CDA: variants seen among roughly 807,000 people sequenced by gnomAD.
CDA encodes cytidine aminohydrolase.
Under a neutral mutation model 15.0 loss-of-function variants are expected in CDA, and 7 were observed. The ratio of observed to expected loss-of-function variants is 0.47; its 90% CI spans 0.26 to 0.87. The LOEUF (loss-of-function observed/expected upper bound fraction) is 0.87, where lower values mean the gene tolerates loss of function less well. Among genes scored for constraint, CDA ranks in the 40% least tolerant of loss-of-function variants. The pLI is 0.15. For missense variants in CDA, 159 were observed against 182.7 expected (o/e 0.87, Z 0.75); for synonymous variants, 58 against 73.0 (o/e 0.79, Z 1.05).
chr1:20,609,884 T>TG (rs1309099965), intron 2 of CDA, among the ~76,000 whole-genome samples: 1 of 152,170 alleles, frequency 6.6e-6, no homozygotes, highest in Non-Finnish European at 1.5e-5. Flanking sequence ...CTTCTGAAGC[T>TG]GGAAGCGTCC....
intron 1 of CDA, among the ~76,000 whole-genome samples, chr1:20,596,379 A>C (rs529952630): frequency 6.6e-6 from 1 of 152,082 alleles, no homozygotes; most frequent in Admixed American, 6.5e-5. Flanking sequence ...ACTTGTGAAA[A>C]TTTGAAATTT....
At chr1:20,595,479 C>A (rs1048605256) in intron 1 of CDA, among the ~76,000 whole-genome samples, 1 of 152,120 alleles carries the variant, frequency 6.6e-6, no homozygotes, top group African/African-American at 2.4e-5. Context: ...CCCCATCCCC[C>A]CAACACCACA....
rs1252717806 is a variant in CDA, at chr1:20,618,566, T to G, written c.439T>G (p.Ter147GlyextTer9). Reference protein sequence around the residue: ...FGPEDLQKTQ* With the variant: ...FGPEDLQKTQG ...GCCTGAGGACCTGCAGAAGACCCAGTGACAGCCAGAGAATGCCCACTGCCT... is the reference window on the plus strand; with the variant it reads ...GCCTGAGGACCTGCAGAAGACCCAGGGACAGCCAGAGAATGCCCACTGCCT... The change falls in exon 4 of 4, where the codon TGA becomes GGA. Residue 147 changes from the stop codon to glycine, a stop_lost. Coordinates refer to ENST00000375071, the MANE Select transcript of CDA (RefSeq NM_001785.3). 6.3e-7 allele frequency: 1 copy of G among 1,579,694 alleles called. No individual in the cohort carries two copies. Among genetic ancestry groups the G allele is most frequent in the East Asian group, 2.2e-5 (1 of 44,684 alleles).
In CDA at chr1:20,601,691, A is replaced by T. The variant is rs1030636751; in HGVS notation, c.155-3237A>T. Among the ~76,000 whole-genome samples, 4 of 152,284 alleles carry T rather than the reference A, an allele frequency of 2.6e-5. No individual in the cohort carries two copies. In the East Asian group the frequency reaches 7.7e-4, roughly 29 times the overall value. On this transcript the variant is annotated intron_variant, in intron 1 of 3. Transcript: ENST00000375071. Reference sequence around the variant, plus strand: ...CTGAGAACGAGTTAAATGACTAATCACTCCTAACATGCCAATGTAAATAAT... The same window carrying T: ...CTGAGAACGAGTTAAATGACTAATCTCTCCTAACATGCCAATGTAAATAAT...
intron 1 of CDA, among the ~76,000 whole-genome samples, chr1:20,591,233 C>G (rs1330777828): frequency 6.6e-6 from 1 of 151,900 alleles, no homozygotes; most frequent in Non-Finnish European, 1.5e-5. Flanking sequence ...CCCAGCTACT[C>G]GGGAGGCTGA....
chr1:20,591,056 A>G (rs1457695669), intron 1 of CDA, among the ~76,000 whole-genome samples: 2 of 152,050 alleles, frequency 1.3e-5, no homozygotes, highest in Non-Finnish European at 2.9e-5. Context: ...AAAACCCACA[A>G]TAGTCGGGCA....
intron 1 of CDA, among the ~76,000 whole-genome samples, chr1:20,590,253 C>T (rs1488758152): frequency 6.6e-6 from 1 of 152,076 alleles, no homozygotes; most frequent in African/African-American, 2.4e-5. Context: ...CCCCTGCAAC[C>T]CTGAAAGGCA....
chr1:20,593,077 A>C (rs1284323636), intron 1 of CDA, among the ~76,000 whole-genome samples: 1 of 152,214 alleles, frequency 6.6e-6, no homozygotes, highest in Non-Finnish European at 1.5e-5. Flanking sequence ...TGGGCGACAG[A>C]ATGAGACCCT....
rs1225997534 is a variant in CDA at position 20,618,451 on chromosome 1, G to C, written c.325-1G>C. On this transcript the variant is annotated splice_acceptor_variant, in intron 3 of 3. Transcript: ENST00000375071. LOFTEE classifies it high-confidence loss of function. Reference sequence around the variant, plus strand: ...TCACGCCAGCTTTGCCTCTTTTCCAGTTTGGCACCAACTGGCCCGTGTACA... The same window carrying C: ...TCACGCCAGCTTTGCCTCTTTTCCACTTTGGCACCAACTGGCCCGTGTACA... The C allele has an allele frequency of 6.2e-7, 1 of 1,600,368 alleles. No individual in the cohort carries two copies.
chr1:20,602,227 A>T (rs1303995071), intron 1 of CDA, among the ~76,000 whole-genome samples: 1 of 151,748 alleles, frequency 6.6e-6, no homozygotes, highest in Non-Finnish European at 1.5e-5. Context: ...CTCAAACAAG[A>T]TGTGGTGGCT....
chr1:20,598,114 A>T (rs2052605910), intron 1 of CDA, among the ~76,000 whole-genome samples: 1 of 152,058 alleles, frequency 6.6e-6, no homozygotes, highest in African/African-American at 2.4e-5. Flanking sequence ...CTCTTTTCAA[A>T]TTTATTATTT....
At chr1:20,601,979 G>T (rs1348016290) in intron 1 of CDA, among the ~76,000 whole-genome samples, 1 of 151,964 alleles carries the variant, frequency 6.6e-6, no homozygotes, top group Non-Finnish European at 1.5e-5. Flanking sequence ...AAATTAGCCA[G>T]GTGTGGTGAT....
chr1:20,605,171 C>T (rs564024846), intron 2 of CDA, 132 bp downstream of exon 2: 24 of 715,408 alleles, frequency 3.4e-5, no homozygotes, highest in Admixed American at 2.6e-4. Context: ...AGGCACTGTA[C>T]AGGGCCCTGG....
intron 1 of CDA, among the ~76,000 whole-genome samples, chr1:20,592,604 G>T (rs761744697): frequency 5.3e-5 from 8 of 152,164 alleles, no homozygotes; most frequent in Non-Finnish European, 8.8e-5. Flanking sequence ...ACAGTGTCAG[G>T]GTACAGTATC....
At chr1:20,607,223 C>T (rs901317061) in intron 2 of CDA, among the ~76,000 whole-genome samples, 3 of 152,186 alleles carry the variant, frequency 2.0e-5, no homozygotes, top group African/African-American at 7.2e-5. Context: ...AGCAAGCCCA[C>T]GTGCCTTTTA....
chr1:20,612,734 GGAGATC>G (rs2052764479), intron 2 of CDA, among the ~76,000 whole-genome samples: 3 of 152,002 alleles, frequency 2.0e-5, no homozygotes, highest in Non-Finnish European at 4.4e-5. Flanking sequence ...CATGAGGTCA[GGAGATC>G]GAGACCATCC....
chr1:20,596,756 C>CTTTTTTTTTTTTTTTTTTTTTTTTTTTT (rs61288769), intron 1 of CDA, among the ~76,000 whole-genome samples: 1 of 101,118 alleles, frequency 9.9e-6, no homozygotes, highest in Non-Finnish European at 1.9e-5. Context: ...CTGTTGATGT[C>CTTTTTTTTTTTTTTTTTTTTTTTTTTTT]TTTTTTTTTT....
In CDA at chr1:20,594,554, G is replaced by A. The variant is rs545543651; in HGVS notation, c.154+5271G>A. The stretch of plus-strand genomic sequence containing the variant: ...TGTAATCCCGGTGCTTTTGGAGGCC[G>A]AGCTGGGCGGATCACCTGAGATCAG... On this transcript the variant is annotated intron_variant, in intron 1 of 3. Coordinates refer to ENST00000375071, the MANE Select transcript of CDA (RefSeq NM_001785.3). Among the ~76,000 whole-genome samples, 54 of 152,152 alleles carry A rather than the reference G, an allele frequency of 3.5e-4. No homozygotes were observed. In the South Asian group the frequency reaches 9.5e-3, roughly 27 times the overall value.
At chr1:20,609,000 T>A (rs1483975233) in intron 2 of CDA, among the ~76,000 whole-genome samples, 12 of 152,226 alleles carry the variant, frequency 7.9e-5, no homozygotes, top group Admixed American at 7.9e-4. Flanking sequence ...AAGCCATTAC[T>A]GTTAATGCGC....
Sources: gnomAD v4.1 joint callset for allele counts (sites outside exome capture counted in the v4.1 genomes callset) on GRCh38, gnomAD v4.1.1 for gene constraint, MANE v1.5 for transcripts, NCBI Gene and HGNC (gene_info 2026-07-23, HGNC 2026-07-21) for gene names.